The following PTPRB variants were observed in gnomAD, a reference collection of about 807,000 sequenced individuals.
PTPRB encodes receptor-type tyrosine-protein phosphatase beta.
Under a neutral mutation model 238.1 loss-of-function variants are expected in PTPRB, and 97 were observed. The observed-to-expected ratio is 0.41, with a 90% CI of 0.35 to 0.48. The LOEUF (loss-of-function observed/expected upper bound fraction) is 0.48. Ranked by LOEUF, PTPRB falls within the 20% of genes least tolerant of loss-of-function variation. The probability of loss-of-function intolerance (pLI) is 0.30; values close to 1 mark genes in which losing one functional copy is unlikely to be tolerated. For missense variants in PTPRB, 2,292 were observed against 2,681.9 expected (o/e 0.85, Z 3.21); for synonymous variants, 970 against 995.4 (o/e 0.97, Z 0.48).
chr12:70,615,407 A>T (rs968878643), intron 3 of PTPRB, among the ~76,000 whole-genome samples: 1 of 152,172 alleles, frequency 6.6e-6, no homozygotes, highest in Admixed American at 6.6e-5. Flanking sequence ...CTCTAACAGC[A>T]GGCTCCACTG....
intron 7 of PTPRB, among the ~76,000 whole-genome samples, chr12:70,590,587 G>GTT (rs1882384778): frequency 1.8e-5 from 2 of 113,382 alleles, no homozygotes; most frequent in African/African-American, 3.4e-5. Flanking sequence ...GCAAGATTAA[G>GTT]TTCTTTTTTT....
chr12:70,610,027 C>G (rs1196505523), intron 3 of PTPRB, among the ~76,000 whole-genome samples: 1 of 151,940 alleles, frequency 6.6e-6, no homozygotes, highest in African/African-American at 2.4e-5. Context: ...CGAGAGGCGG[C>G]GGGGACAGGC....
rs369773458 is a variant in PTPRB, at chr12:70,581,024, T to C, written c.2578+12A>G. ...CTTAGTTAAGTCACAGACACATATC[T>C]CTACTTCTTACCTGTTCTTCCCTCC... is the stretch of plus-strand genomic sequence containing the variant. On this transcript the variant is annotated intron_variant, in intron 10 of 33. Coordinates refer to ENST00000334414, the MANE Select transcript of PTPRB (RefSeq NM_001109754.4). 3.3e-5 allele frequency: 53 copies of C among 1,612,070 alleles called. No homozygotes were observed. The African/African-American group carries it at 6.3e-4, about 19-fold the overall frequency.
chr12:70,559,053 G>T, intron 18 of PTPRB: 1 of 524,546 alleles, frequency 1.9e-6, no homozygotes, highest in Admixed American at 3.3e-5. Context: ...TACCTAACAA[G>T]TGTCTCCATA....
At chr12:70,525,710 A>C (rs1277266814) in intron 32 of PTPRB, among the ~76,000 whole-genome samples, 1 of 152,184 alleles carries the variant, frequency 6.6e-6, no homozygotes, top group East Asian at 1.9e-4. Context: ...CTTATAAGGA[A>C]ATTGATTTCT....
Position 70,555,414 on chromosome 12 carries a change from G to A in PTPRB, c.4994-105C>T, listed in dbSNP as rs886464880. 4 of 1,041,114 alleles carry A rather than the reference G, an allele frequency of 3.8e-6. No homozygotes were observed. In the Admixed American group the frequency reaches 9.5e-5, roughly 25 times the overall value. The allele number at this position is 1,041,114 out of a possible 1,614,324, so 64.5% of individuals were successfully genotyped here. On this transcript the variant is annotated intron_variant, in intron 19 of 33. Transcript: ENST00000334414. The stretch of plus-strand genomic sequence containing the variant: ...GGATTCTGCTCTCCTGCATCAGACT[G>A]TGTGTGTGTGAGCGTGTGCCTGTGT...
At chr12:70,559,015 C>A in intron 18 of PTPRB, 1 of 433,740 alleles carries the variant, frequency 2.3e-6, no homozygotes, top group Non-Finnish European at 4.1e-6. Context: ...TTTCCTTTTC[C>A]AAGAAGTTCT....
intron 3 of PTPRB, among the ~76,000 whole-genome samples, chr12:70,612,292 A>C (rs1884490211): frequency 6.6e-6 from 1 of 152,198 alleles, no homozygotes; most frequent in Non-Finnish European, 1.5e-5. Context: ...TTTCCTTTTA[A>C]AAGTACAAAA....
intron 8 of PTPRB, among the ~76,000 whole-genome samples, chr12:70,589,087 T>G (rs962208800): frequency 1.3e-5 from 2 of 152,240 alleles, no homozygotes; most frequent in Non-Finnish European, 2.9e-5. Flanking sequence ...ATATTGGAGA[T>G]GACAGAGATG....
chr12:70,597,012 G>A (rs1378511234), intron 4 of PTPRB, among the ~76,000 whole-genome samples: 5 of 151,958 alleles, frequency 3.3e-5, no homozygotes, highest in African/African-American at 1.2e-4. Flanking sequence ...CCGCCTCCCG[G>A]GTTCAAGCAA....
rs775543382 is a variant in PTPRB, at chr12:70,622,445, G to A, written c.653C>T (p.Thr218Ile). The part of the protein sequence containing the change: ...QHPNLHMTGI[T>I]DTSWVLSTTQ... ...AGTCGACAAAACCCATGATGTGTCT[G>A]TAATTCCAGTCATGTGCAGATTGGG... Residue 218 changes from threonine (T) to isoleucine (I), a missense_variant, in exon 3 of 34, where the codon ACA (threonine) becomes ATA (isoleucine). This residue lies in a region of PTPRB where 1,205 missense variants were observed against 1,287.8 expected (regional missense o/e 0.94). Transcript: ENST00000334414. The A allele has an allele frequency of 3.7e-6, 6 of 1,613,142 alleles. No homozygotes were observed. The highest frequency in any genetic ancestry group is 2.2e-5 in the East Asian group (1 of 44,870).
In PTPRB at chr12:70,517,915, A is replaced by G. The variant is rs556091052; in HGVS notation, c.*3574T>C. ...ATTGCAAAAGGTAAGGAAAATGTTT[A>G]ACATAAGAAACTGGATCCTTAAACA... On this transcript the variant is annotated 3_prime_UTR_variant, in exon 34 of 34. Coordinates refer to ENST00000334414, the MANE Select transcript of PTPRB (RefSeq NM_001109754.4). 4.6e-5 allele frequency: 7 copies of G among 152,322 alleles called. No individual in the cohort carries two copies. The highest frequency in any genetic ancestry group is 1.7e-4 in the African/African-American group (7 of 41,576). The allele number at this position is 152,322 out of a possible 1,614,324, so 9.4% of individuals were successfully genotyped here.
intron 2 of PTPRB, among the ~76,000 whole-genome samples, chr12:70,623,234 T>C (rs975651219): frequency 6.6e-6 from 1 of 152,180 alleles, no homozygotes; most frequent in Admixed American, 6.5e-5. Flanking sequence ...ATGATGAGAC[T>C]GTTGTATTTT....
chr12:70,634,309 T>C (rs888157074), intron 2 of PTPRB, among the ~76,000 whole-genome samples: 7 of 152,186 alleles, frequency 4.6e-5, no homozygotes, highest in Admixed American at 2.6e-4. Context: ...CTGATCTCCA[T>C]ATTGGATTAT....
chr12:70,635,555 T>A, intron 2 of PTPRB, 116 bp downstream of exon 2: 1 of 1,251,240 alleles, frequency 8.0e-7, no homozygotes, highest in Non-Finnish European at 1.1e-6. Flanking sequence ...ATAGGAAATA[T>A]GTTGGGGCAT....
chr12:70,626,358 T>C (rs1566023289), intron 2 of PTPRB, among the ~76,000 whole-genome samples: 10 of 135,046 alleles, frequency 7.4e-5, no homozygotes, highest in South Asian at 6.9e-4. Context: ...TATCTATCTA[T>C]CTATCTATAT....
In PTPRB at chr12:70,589,999, T is replaced by C. The variant is rs762478414; in HGVS notation, c.2015A>G (p.Asn672Ser). 1 of 1,613,986 alleles carries C rather than the reference T, an allele frequency of 6.2e-7. No homozygotes were observed. The highest frequency in any genetic ancestry group is 8.5e-7 in the Non-Finnish European group (1 of 1,179,870). ...YEVEVIVESG[N>S]LKNSERCQGR... Reference sequence around the variant, plus strand: ...TTGGCAACGCTCAGAATTCTTCAAATTTCCACTCTCAACAATGACTTCCAC... The same window carrying C: ...TTGGCAACGCTCAGAATTCTTCAAACTTCCACTCTCAACAATGACTTCCAC... The change falls in exon 8 of 34, where the codon AAT becomes AGT. Residue 672 changes from asparagine to serine, a missense_variant. By Grantham distance (46) the Asn-to-Ser change is conservative. Transcript: ENST00000334414.
At chr12:70,592,622 T>G in intron 6 of PTPRB, 77 bp from the exon 7 acceptor site, 1 of 1,467,856 alleles carries the variant, frequency 6.8e-7, no homozygotes, top group Non-Finnish European at 9.2e-7. Flanking sequence ...TGACCTGTAA[T>G]TTTATTTCTG....
At chr12:70,618,700 G>A (rs921363074) in intron 3 of PTPRB, among the ~76,000 whole-genome samples, 1 of 152,200 alleles carries the variant, frequency 6.6e-6, no homozygotes, top group African/African-American at 2.4e-5. Context: ...CCATAGACAA[G>A]TTTCCTGTTC....
Sources: allele counts gnomAD v4.1 joint callset (sites outside exome capture counted in the v4.1 genomes callset), GRCh38; gene constraint gnomAD v4.1.1; regional missense constraint gnomAD v4.1.1; transcripts MANE v1.5; gene names NCBI Gene and HGNC (gene_info 2026-07-23, HGNC 2026-07-21).